DPYD: variants seen among roughly 807,000 people sequenced by gnomAD.
DPYD encodes dihydropyrimidine dehydrogenase.
A neutral mutation model predicts 116.2 loss-of-function variants in DPYD; 109 were observed. That is an observed-to-expected ratio of 0.94 (90% confidence interval 0.80 to 1.10). The LOEUF (loss-of-function observed/expected upper bound fraction) is 1.10, where lower values mean the gene tolerates loss of function less well. DPYD is among the 50% of genes least tolerant of loss of function. DPYD has a pLI of 0.00. For missense variants in DPYD, 1,302 were observed against 1,254.5 expected (o/e 1.04, Z -0.57); for synonymous variants, 440 against 432.0 (o/e 1.02, Z -0.23).
intron 2 of DPYD, among the ~76,000 whole-genome samples, chr1:97,854,454 G>C (rs904468358): frequency 8.5e-5 from 13 of 152,128 alleles, no homozygotes; most frequent in Non-Finnish European, 4.4e-5. Context: ...CCACTACACT[G>C]GGAAGAAGCT....
intron 18 of DPYD, among the ~76,000 whole-genome samples, chr1:97,281,564 AATT>A (rs35729590): frequency 0.4 from 61,271 of 151,522 alleles, 12,567 homozygotes; most frequent in African/African-American, 0.45. Context: ...TACCCAATCA[AATT>A]ATTAAGTATG....
intron 20 of DPYD, among the ~76,000 whole-genome samples, chr1:97,176,211 G>C (rs901453738): frequency 6.6e-6 from 1 of 152,188 alleles, no homozygotes; most frequent in Non-Finnish European, 1.5e-5. Flanking sequence ...AAAGTGGGGG[G>C]AGAGTGGATA....
At chr1:97,807,693 GT>G (rs1387338640) in intron 3 of DPYD, among the ~76,000 whole-genome samples, 1 of 151,936 alleles carries the variant, frequency 6.6e-6, no homozygotes, top group Non-Finnish European at 1.5e-5. Context: ...CTTTGGATTT[GT>G]ATCTAAAATG....
At chr1:97,236,791 CA>C (rs1385026319) in intron 18 of DPYD, among the ~76,000 whole-genome samples, 1 of 152,144 alleles carries the variant, frequency 6.6e-6, no homozygotes, top group African/African-American at 2.4e-5. Flanking sequence ...TGGATTACAA[CA>C]AATGTATCAC....
intron 8 of DPYD, among the ~76,000 whole-genome samples, chr1:97,671,939 A>G (rs186878587): frequency 3.0e-4 from 43 of 143,668 alleles, no homozygotes; most frequent in Admixed American, 4.8e-4. Flanking sequence ...TTACGTATTT[A>G]TCTATTATTT....
chr1:97,239,688 T>C (rs1209382295), intron 18 of DPYD, among the ~76,000 whole-genome samples: 1 of 152,108 alleles, frequency 6.6e-6, no homozygotes, highest in Non-Finnish European at 1.5e-5. Context: ...AAGAAGGCAA[T>C]TTGAGGATGA....
chr1:97,808,525 T>C (rs1162183338), intron 3 of DPYD, among the ~76,000 whole-genome samples: 1 of 152,106 alleles, frequency 6.6e-6, no homozygotes, highest in Non-Finnish European at 1.5e-5. Flanking sequence ...AATTTTTTGG[T>C]CAATTTTTAG....
chr1:97,553,858 G>T (rs1028851609), intron 11 of DPYD, among the ~76,000 whole-genome samples: 2 of 152,032 alleles, frequency 1.3e-5, no homozygotes, highest in African/African-American at 4.8e-5. Context: ...AATTGGAAGA[G>T]AAATTTGTTA....
At chr1:97,405,827 T>C (rs1237357888) in intron 14 of DPYD, among the ~76,000 whole-genome samples, 2 of 152,146 alleles carry the variant, frequency 1.3e-5, no homozygotes, top group African/African-American at 4.8e-5. Flanking sequence ...CTCTTAATAC[T>C]TCAAATATTT....
chr1:97,458,538 G>A (rs570913971), intron 13 of DPYD, among the ~76,000 whole-genome samples: 22 of 152,202 alleles, frequency 1.4e-4, no homozygotes, highest in African/African-American at 4.1e-4. Context: ...CAAGGTTTTC[G>A]CCCATCCCTG....
chr1:97,874,433 G>T (rs765998273), intron 2 of DPYD, among the ~76,000 whole-genome samples: 1 of 151,832 alleles, frequency 6.6e-6, no homozygotes, highest in South Asian at 2.1e-4. Flanking sequence ...TTTACTTGCA[G>T]AACTAGGTGC....
chr1:97,746,812 C>T (rs1328075264), intron 3 of DPYD, among the ~76,000 whole-genome samples: 1 of 151,932 alleles, frequency 6.6e-6, no homozygotes, highest in Non-Finnish European at 1.5e-5. Flanking sequence ...CTGGGGCTCT[C>T]ACTTATTGGA....
intron 19 of DPYD, among the ~76,000 whole-genome samples, chr1:97,210,611 G>T (rs1173431544): frequency 6.6e-6 from 1 of 152,076 alleles, no homozygotes; most frequent in Non-Finnish European, 1.5e-5. Context: ...ATACATCCTA[G>T]CTAGGAGATA....
chr1:97,078,170 G>A lies in DPYD; in HGVS notation c.*806C>T, dbSNP rs1242502150. On this transcript the variant is annotated 3_prime_UTR_variant, in exon 23 of 23. Transcript: ENST00000370192. The stretch of plus-strand genomic sequence containing the variant: ...AACATTAGTTGCTATAATCATGAAG[G>A]TGACTATTAAAACCAGTCAGAGCCC... 1.3e-5 allele frequency: 2 copies of A among 152,092 alleles called. No homozygotes were observed. Among genetic ancestry groups the A allele is most frequent in the African/African-American group, 4.8e-5 (2 of 41,400 alleles). 9.4% of individuals were successfully genotyped at this position (152,092 alleles called of 1,614,324 possible).
intron 20 of DPYD, among the ~76,000 whole-genome samples, chr1:97,183,766 T>C (rs1476560942): frequency 6.6e-6 from 1 of 152,142 alleles, no homozygotes; most frequent in Non-Finnish European, 1.5e-5. Context: ...GCAGTTCTTC[T>C]TAACTTTTAT....
At chr1:97,479,705 A>G (rs1678193303) in intron 13 of DPYD, among the ~76,000 whole-genome samples, 1 of 152,242 alleles carries the variant, frequency 6.6e-6, no homozygotes, top group Non-Finnish European at 1.5e-5. Context: ...AAGAAAAAAT[A>G]CATGTGAAGT....
chr1:97,531,203 T>C (rs1417991342), intron 12 of DPYD, among the ~76,000 whole-genome samples: 2 of 152,228 alleles, frequency 1.3e-5, no homozygotes, highest in African/African-American at 2.4e-5. Flanking sequence ...ACCAATGTCA[T>C]GAAGCTTTTC....
intron 19 of DPYD, among the ~76,000 whole-genome samples, chr1:97,231,870 A>C (rs1020445555): frequency 2.0e-5 from 3 of 152,182 alleles, no homozygotes; most frequent in Non-Finnish European, 4.4e-5. Flanking sequence ...AATGAGCAAG[A>C]GTCTCTTCTG....
chr1:97,611,612 C>T (rs17377919), intron 8 of DPYD, among the ~76,000 whole-genome samples: 1,582 of 152,110 alleles, frequency 0.01, 17 homozygotes, highest in Middle Eastern at 0.017. Context: ...TCCAATTCCA[C>T]ATCATCACAG....
Sources: gnomAD v4.1 joint callset for allele counts (sites outside exome capture counted in the v4.1 genomes callset) on GRCh38, gnomAD v4.1.1 for gene constraint, MANE v1.5 for transcripts, NCBI Gene and HGNC (gene_info 2026-07-23, HGNC 2026-07-21) for gene names.